CDH23: variants seen among roughly 807,000 people sequenced by gnomAD.
CDH23 encodes cadherin-23.
A neutral mutation model predicts 317.1 loss-of-function variants in CDH23; 189 were observed. The observed-to-expected ratio is 0.60, with a 90% CI of 0.53 to 0.67. The LOEUF (loss-of-function observed/expected upper bound fraction) is 0.67, where lower values mean the gene tolerates loss of function less well. Ranked by LOEUF, CDH23 falls within the 30% of genes least tolerant of loss-of-function variation. The pLI, the probability that CDH23 is intolerant of heterozygous loss-of-function variation, is 0.00. For synonymous variants in CDH23, 1,839 were observed against 1,876.8 expected, an observed-to-expected ratio of 0.98 and a Z score of 0.52; for missense variants, 4,401 against 4,592.4, an observed-to-expected ratio of 0.96 and a Z score of 1.20.
At chr10:71,690,116 T>G (rs1865130280) in intron 19 of CDH23, among the ~76,000 whole-genome samples, 2 of 152,176 alleles carry the variant, frequency 1.3e-5, no homozygotes, top group South Asian at 4.1e-4. Context: ...GAATTTCATG[T>G]CTTTTGACTC....
chr10:71,584,396 A>C (rs549572565), intron 9 of CDH23, among the ~76,000 whole-genome samples: 1 of 152,208 alleles, frequency 6.6e-6, no homozygotes, highest in Admixed American at 6.5e-5. Context: ...TCCAGGTCAC[A>C]CTGGGGCACT....
At chr10:71,453,813 G>A (rs941362376) in intron 3 of CDH23, among the ~76,000 whole-genome samples, 3 of 152,246 alleles carry the variant, frequency 2.0e-5, no homozygotes, top group Admixed American at 6.5e-5. Context: ...CTAAAGGGAC[G>A]GGGATGGGAG....
chr10:71,730,429 A>G, intron 30 of CDH23, 40 bp from the exon 31 acceptor site: 1 of 1,606,812 alleles, frequency 6.2e-7, no homozygotes, highest in Non-Finnish European at 8.5e-7. Flanking sequence ...CCCAGCCTCC[A>G]CCCCACCCTG....
intron 1 of CDH23, among the ~76,000 whole-genome samples, chr10:71,425,293 C>T (rs1344192639): frequency 9.0e-6 from 1 of 110,756 alleles, no homozygotes; most frequent in East Asian, 2.7e-4. Flanking sequence ...AAGGAAGGAA[C>T]GAAGGAGGAG....
intron 11 of CDH23, among the ~76,000 whole-genome samples, chr10:71,636,849 G>A (rs1052085738): frequency 2.6e-5 from 4 of 152,202 alleles, no homozygotes; most frequent in South Asian, 4.1e-4. Flanking sequence ...AGGCCTGAAG[G>A]GCAGAGGAAA....
chr10:71,587,314 C>T (rs1201595730), intron 9 of CDH23, among the ~76,000 whole-genome samples: 1 of 152,194 alleles, frequency 6.6e-6, no homozygotes, highest in Non-Finnish European at 1.5e-5. Flanking sequence ...TATTAAGATT[C>T]ATTCAATCAT....
chr10:71,566,049 G>A (rs1353547885), intron 6 of CDH23, among the ~76,000 whole-genome samples: 1 of 152,220 alleles, frequency 6.6e-6, no homozygotes, highest in Non-Finnish European at 1.5e-5. Flanking sequence ...GAAATAAAAT[G>A]TGAAGGGGGA....
At chr10:71,810,259 C>G (rs1212998726) in intron 61 of CDH23, among the ~76,000 whole-genome samples, 183 bp downstream of exon 61, 2 of 152,230 alleles carry the variant, frequency 1.3e-5, no homozygotes, top group African/African-American at 4.8e-5. Flanking sequence ...CCTCAGTTTC[C>G]TCTTCCATAA....
chr10:71,698,366 C>A (rs758724631), intron 22 of CDH23, among the ~76,000 whole-genome samples: 4 of 152,176 alleles, frequency 2.6e-5, no homozygotes, highest in African/African-American at 9.7e-5. Flanking sequence ...CTCACAGTGC[C>A]CCAGGTTGAG....
intron 38 of CDH23, among the ~76,000 whole-genome samples, chr10:71,765,041 T>A (rs1157995711): frequency 6.6e-6 from 1 of 152,180 alleles, no homozygotes; most frequent in Non-Finnish European, 1.5e-5. Context: ...TGCAAAACTA[T>A]GGCTCTGCCG....
At chr10:71,670,761 A>C (rs1454122708) in intron 14 of CDH23, among the ~76,000 whole-genome samples, 2 of 152,178 alleles carry the variant, frequency 1.3e-5, no homozygotes, top group Middle Eastern at 3.2e-3. Flanking sequence ...AAGGACAATA[A>C]TTTTAGCTAC....
At chr10:71,728,983 A>G (rs533687851) in intron 30 of CDH23, among the ~76,000 whole-genome samples, 3 of 152,002 alleles carry the variant, frequency 2.0e-5, no homozygotes, top group East Asian at 3.9e-4. Flanking sequence ...GGTGCGTGCT[A>G]TCACCCCTGG....
At chr10:71,519,357 T>C (rs535349493) in intron 6 of CDH23, among the ~76,000 whole-genome samples, 2 of 152,382 alleles carry the variant, frequency 1.3e-5, no homozygotes, top group African/African-American at 4.8e-5. Flanking sequence ...TCAGCTCCTT[T>C]CTTTTAAATG....
intron 24 of CDH23, among the ~76,000 whole-genome samples, chr10:71,703,970 G>A (rs1865685136): frequency 6.6e-6 from 1 of 152,222 alleles, no homozygotes; most frequent in Non-Finnish European, 1.5e-5. Context: ...CACGATGAGG[G>A]CCCTCCCTTG....
intron 38 of CDH23, among the ~76,000 whole-genome samples, chr10:71,762,509 G>T (rs570622130): frequency 6.6e-5 from 10 of 152,246 alleles, no homozygotes; most frequent in Non-Finnish European, 1.5e-4. Flanking sequence ...GCAAGGCCTG[G>T]GCCAGGTGCT....
intron 56 of CDH23, 27 bp downstream of exon 56, chr10:71,806,024 CG>C (rs766133614): frequency 6.4e-6 from 3 of 471,196 alleles, no homozygotes; most frequent in Non-Finnish European, 1.1e-5. Flanking sequence ...GTGCGAGGGG[CG>C]GGGTCTGGGG....
In CDH23 at chr10:71,732,271, C is replaced by G. The variant is rs373276722; in HGVS notation, c.4000C>G (p.Arg1334Gly). The change falls in exon 32 of 70, where the codon CGG becomes GGG. Residue 1334 changes from arginine (R) to glycine (G), a missense_variant. Arg to Gly is a moderately radical substitution (Grantham distance 125). Coordinates refer to ENST00000224721, the MANE Select transcript of CDH23 (RefSeq NM_022124.6). ...ENLALGTEIV[R>G]VQAYSIDNLN... ...TCTGGCACTGGGTACTGAGATTGTG[C>G]GGGTCCAGGCCTACTCCATCGACAA... 1.9e-6 allele frequency: 3 copies of G among 1,613,012 alleles called. No individual in the cohort carries two copies. The highest frequency in any genetic ancestry group is 2.5e-6 in the Non-Finnish European group (3 of 1,179,404).
chr10:71,774,049 GCGCACACACACACACA>G (rs1458262450), intron 38 of CDH23, among the ~76,000 whole-genome samples: 33 of 145,586 alleles, frequency 2.3e-4, no homozygotes, highest in Non-Finnish European at 3.8e-4. Context: ...GCATGCGCGC[GCGCACACACACACACA>G]CACACACACA....
intron 2 of CDH23, among the ~76,000 whole-genome samples, chr10:71,443,714 C>A (rs74396089): frequency 6.6e-6 from 1 of 152,180 alleles, no homozygotes; most frequent in African/African-American, 2.4e-5. Flanking sequence ...CTCCTTCCCC[C>A]GAAGAAATCA....
Sources: allele counts gnomAD v4.1 joint callset (sites outside exome capture counted in the v4.1 genomes callset), GRCh38; gene constraint gnomAD v4.1.1; transcripts MANE v1.5; gene names NCBI Gene and HGNC (gene_info 2026-07-23, HGNC 2026-07-21).